RANBP17: variants seen among roughly 807,000 people sequenced by gnomAD.
RANBP17 encodes ran-binding protein 17.
In RANBP17, 158 loss-of-function variants were observed where a neutral mutation model predicts 141.2. That is an observed-to-expected ratio of 1.12 (90% confidence interval 0.98 to 1.28). The LOEUF (loss-of-function observed/expected upper bound fraction) is 1.28. RANBP17 is among the 50% of genes most tolerant of loss of function. The pLI, the probability that RANBP17 is intolerant of heterozygous loss-of-function variation, is 0.00. For synonymous variants in RANBP17, 430 were observed against 450.0 expected (o/e 0.96, Z 0.56); for missense variants, 1,438 against 1,290.7 (o/e 1.11, Z -1.75).
chr5:171,158,803 T>C (rs1243977736), intron 14 of RANBP17, among the ~76,000 whole-genome samples: 1 of 152,166 alleles, frequency 6.6e-6, no homozygotes, highest in Admixed American at 6.5e-5. Context: ...ATTCATGAGC[T>C]ATGGGCTGTC....
rs775527778 is a variant in RANBP17, at chr5:171,104,538, C to G, written c.1711-65592C>G. 1.3e-3 allele frequency among the ~76,000 whole-genome samples: 198 copies of G among 152,250 alleles called. 1 individual carries two copies. The highest frequency in any genetic ancestry group is 2.4e-3 in the Non-Finnish European group (161 of 68,024). On this transcript the variant is annotated intron_variant, in intron 14 of 27. Transcript: ENST00000523189. ...CATCAATGGTTGAGTAACAGTTATA[C>G]CTCTGAACTATTTTCCACAGAACAG...
intron 3 of RANBP17, among the ~76,000 whole-genome samples, chr5:170,890,843 A>G (rs559537029): frequency 2.0e-5 from 3 of 152,228 alleles, no homozygotes; most frequent in African/African-American, 7.2e-5. Flanking sequence ...TCTTGAATTT[A>G]TATATTTATT....
intron 12 of RANBP17, among the ~76,000 whole-genome samples, chr5:170,928,500 C>T (rs536703550): frequency 6.6e-6 from 1 of 151,904 alleles, no homozygotes; most frequent in African/African-American, 2.4e-5. Flanking sequence ...ATTTGGTGTT[C>T]ATTTTTGTGA....
intron 26 of RANBP17, among the ~76,000 whole-genome samples, chr5:171,294,859 A>G (rs993712863): frequency 6.6e-6 from 1 of 152,228 alleles, no homozygotes; most frequent in Non-Finnish European, 1.5e-5. Context: ...ATGACATCAC[A>G]ATATTATACT....
chr5:171,216,793 G>T (rs1432331360), intron 21 of RANBP17, among the ~76,000 whole-genome samples: 1 of 152,182 alleles, frequency 6.6e-6, no homozygotes, highest in Non-Finnish European at 1.5e-5. Flanking sequence ...TTGCTTATCA[G>T]TTTAAGGAGT....
chr5:170,946,422 A>G (rs555711577), intron 12 of RANBP17, among the ~76,000 whole-genome samples: 4 of 152,286 alleles, frequency 2.6e-5, no homozygotes, highest in Non-Finnish European at 5.9e-5. Flanking sequence ...CACATCCATT[A>G]CATGAAGTGT....
chr5:171,130,902 A>G (rs1171579356), intron 14 of RANBP17, among the ~76,000 whole-genome samples: 1 of 152,208 alleles, frequency 6.6e-6, no homozygotes, highest in African/African-American at 2.4e-5. Flanking sequence ...GGAGTGTTAC[A>G]GCATTTTATT....
rs1233082197 is a variant in RANBP17 at position 171,029,444 on chromosome 5, G to A, written c.1710+61067G>A. ...ATAACGTTTGATTATGTTTGTAGAT[G>A]GCTTGGAACCAGAAGCTGATTGAGA... On this transcript the variant is annotated intron_variant, in intron 14 of 27. Coordinates refer to ENST00000523189, the MANE Select transcript of RANBP17 (RefSeq NM_022897.5). 2.0e-5 allele frequency among the ~76,000 whole-genome samples: 3 copies of A among 151,838 alleles called. No individual in the cohort carries two copies. The East Asian group carries it at 5.8e-4, about 29-fold the overall frequency.
At chr5:171,236,011 C>G (rs1764522754) in intron 22 of RANBP17, among the ~76,000 whole-genome samples, 2 of 152,200 alleles carry the variant, frequency 1.3e-5, no homozygotes, top group South Asian at 2.1e-4. Context: ...ATTGTGTTAT[C>G]TTTTTTAATC....
At position 171,005,467 on chromosome 5, in the gene RANBP17, A is replaced by T. The variant is rs533141584; in HGVS notation, c.1710+37090A>T. ...TATCTACAACTATCTGATCTTTGAC[A>T]AACCTGACAAAAACAAGAAATGGGA... is the stretch of plus-strand genomic sequence containing the variant. On this transcript the variant is annotated intron_variant, in intron 14 of 27. Coordinates refer to ENST00000523189, the MANE Select transcript of RANBP17 (RefSeq NM_022897.5). Among the ~76,000 whole-genome samples the T allele has an allele frequency of 6.0e-3, 907 of 152,334 alleles. 7 individuals are homozygous for T. Among genetic ancestry groups the T allele is most frequent in the African/African-American group, 0.021 (859 of 41,570 alleles).
intron 12 of RANBP17, among the ~76,000 whole-genome samples, chr5:170,927,011 T>C (rs1175839813): frequency 6.6e-6 from 1 of 152,144 alleles, no homozygotes; most frequent in Non-Finnish European, 1.5e-5. Flanking sequence ...ATTTAACCAT[T>C]CCATCCACTG....
At chr5:171,160,903 C>T (rs1759301578) in intron 14 of RANBP17, among the ~76,000 whole-genome samples, 1 of 152,134 alleles carries the variant, frequency 6.6e-6, no homozygotes. Context: ...AGTGATTCTC[C>T]TGCCTCAGCC....
intron 12 of RANBP17, among the ~76,000 whole-genome samples, chr5:170,947,502 T>C (rs554768015): frequency 6.6e-6 from 1 of 152,168 alleles, no homozygotes; most frequent in South Asian, 2.1e-4. Context: ...TAGGAAATGC[T>C]GGGGGGGATT....
rs1294084403 is a variant in RANBP17, at chr5:171,268,386, G to T, written c.2943+2539G>T. On this transcript the variant is annotated intron_variant, in intron 25 of 27. Transcript: ENST00000523189. ...GGTACAGAGAGATCAACTGGAAAGT[G>T]GTAGAGTTGGAATTTGAAGCAAGGT... Among the ~76,000 whole-genome samples the T allele has an allele frequency of 2.0e-4, 30 of 152,268 alleles. 1 individual carries two copies. Among genetic ancestry groups the T allele is most frequent in the African/African-American group, 2.4e-5 (1 of 41,546 alleles).
intron 14 of RANBP17, chr5:171,029,014 T>C: frequency 9.3e-7 from 1 of 1,072,512 alleles, no homozygotes; most frequent in South Asian, 1.6e-5. Flanking sequence ...GTCTATATGT[T>C]AAGCCAGTTC....
intron 14 of RANBP17, among the ~76,000 whole-genome samples, chr5:171,091,721 C>T (rs921246852): frequency 3.9e-5 from 6 of 152,160 alleles, no homozygotes; most frequent in African/African-American, 7.2e-5. Context: ...GAATAAGTCT[C>T]ATGAGATCTG....
rs574785213 is a variant in RANBP17 at position 171,255,686 on chromosome 5, G to C, written c.2777-9995G>C. Among the ~76,000 whole-genome samples the C allele has an allele frequency of 2.0e-5, 3 of 152,216 alleles. No homozygotes were observed. The South Asian group carries it at 6.2e-4, about 32-fold the overall frequency. The stretch of plus-strand genomic sequence containing the variant: ...TTTTAAAACATATAGGGTCAGGGTT[G>C]GGGGAGAAAATACAGGTATAGTAAG... On this transcript the variant is annotated intron_variant, in intron 24 of 27. Coordinates refer to ENST00000523189, the MANE Select transcript of RANBP17 (RefSeq NM_022897.5).
intron 14 of RANBP17, among the ~76,000 whole-genome samples, chr5:171,013,713 T>G (rs1422630574): frequency 6.6e-6 from 1 of 152,150 alleles, no homozygotes; most frequent in Admixed American, 6.6e-5. Flanking sequence ...AATTCGATAT[T>G]CTTTTTTAAA....
intron 5 of RANBP17, among the ~76,000 whole-genome samples, chr5:170,902,873 C>A (rs1770763261): frequency 6.6e-6 from 1 of 152,188 alleles, no homozygotes; most frequent in Non-Finnish European, 1.5e-5. Context: ...GCAAAGATTG[C>A]TGCCTGTTTC....
Sources: gnomAD v4.1 joint callset for allele counts (sites outside exome capture counted in the v4.1 genomes callset) on GRCh38, gnomAD v4.1.1 for gene constraint, MANE v1.5 for transcripts, NCBI Gene and HGNC (gene_info 2026-07-23, HGNC 2026-07-21) for gene names.